Variants in HSD17B12 observed in about 807,000 individuals in gnomAD.
HSD17B12 encodes hydroxysteroid 17-beta dehydrogenase 12.
Under a neutral mutation model 39.3 loss-of-function variants are expected in HSD17B12, and 32 were observed. The ratio of observed to expected loss-of-function variants is 0.81; its 90% confidence interval spans 0.61 to 1.09. The LOEUF is 1.09. Ranked by LOEUF, HSD17B12 falls within the 50% of genes least tolerant of loss-of-function variation. The pLI is 0.00. For synonymous variants in HSD17B12, 150 were observed against 146.7 expected (o/e 1.02, Z -0.16); for missense variants, 342 against 382.9 (o/e 0.89, Z 0.89).
At chr11:43,848,868 C>T (rs945644579) in intron 9 of HSD17B12, among the ~76,000 whole-genome samples, 1 of 152,176 alleles carries the variant, frequency 6.6e-6, no homozygotes, top group Non-Finnish European at 1.5e-5. Flanking sequence ...CTTCTCATGA[C>T]CTCCACTACT....
chr11:43,804,579 T>A (rs555164948), intron 4 of HSD17B12, among the ~76,000 whole-genome samples: 40 of 152,314 alleles, frequency 2.6e-4, no homozygotes, highest in African/African-American at 9.6e-4. Context: ...GAATTATTTT[T>A]TAATTGGTGT....
chr11:43,587,727 G>T, the HSD17B12 span, among the ~76,000 whole-genome samples: 1 of 152,214 alleles, frequency 6.6e-6, no homozygotes, highest in African/African-American at 2.4e-5. Flanking sequence ...TTTAGGCTAA[G>T]TATTCTTGGT....
upstream of HSD17B12, among the ~76,000 whole-genome samples, chr11:43,677,712 G>T (rs544876843): frequency 6.6e-5 from 10 of 150,978 alleles, no homozygotes; most frequent in South Asian, 1.7e-3. Context: ...TTGTCCTTGC[G>T]ATAGTTTGCT....
the HSD17B12 span, among the ~76,000 whole-genome samples, chr11:43,588,052 A>G: frequency 6.6e-6 from 1 of 152,226 alleles, no homozygotes; most frequent in Non-Finnish European, 1.5e-5. Context: ...GTCTGTGTGC[A>G]AAGGTTTCAC....
At chr11:43,673,115 A>G in the HSD17B12 span, 1 of 152,356 alleles carries the variant, frequency 6.6e-6, no homozygotes, top group East Asian at 1.9e-4. Context: ...GGATTCAGCT[A>G]TGTCCCAAAG....
the HSD17B12 span, among the ~76,000 whole-genome samples, chr11:43,626,108 A>T: frequency 6.6e-6 from 1 of 151,560 alleles, no homozygotes; most frequent in Non-Finnish European, 1.5e-5. Flanking sequence ...TTTTATTTTT[A>T]ATTTTTTTTA....
chr11:43,700,822 T>C (rs1257813850), intron 1 of HSD17B12, among the ~76,000 whole-genome samples: 2 of 152,168 alleles, frequency 1.3e-5, no homozygotes, highest in Non-Finnish European at 2.9e-5. Context: ...CTTAGATATA[T>C]TGATTTCCTT....
chr11:43,662,706 A>G, the HSD17B12 span, among the ~76,000 whole-genome samples: 2 of 152,172 alleles, frequency 1.3e-5, no homozygotes, highest in Admixed American at 6.6e-5. Context: ...AAGGGTCAGA[A>G]TATGTCATTC....
chr11:43,585,469 C>A, the HSD17B12 span, among the ~76,000 whole-genome samples: 1 of 152,146 alleles, frequency 6.6e-6, no homozygotes, highest in Admixed American at 6.5e-5. Flanking sequence ...AGGCTTATGG[C>A]AGAATAGAAG....
intron 9 of HSD17B12, among the ~76,000 whole-genome samples, chr11:43,848,129 G>C (rs540296936): frequency 6.6e-6 from 1 of 152,206 alleles, no homozygotes; most frequent in East Asian, 1.9e-4. Context: ...TGTGTCTTTT[G>C]TGCATATGGA....
At chr11:43,840,132 T>G (rs1951411415) in intron 9 of HSD17B12, 68 bp downstream of exon 9, 1 of 1,277,148 alleles carries the variant, frequency 7.8e-7, no homozygotes, top group South Asian at 1.3e-5. Flanking sequence ...TGTTGCTGTC[T>G]TGGCAATAAC....
the HSD17B12 span, among the ~76,000 whole-genome samples, chr11:43,673,553 C>A: frequency 1.5e-5 from 2 of 130,784 alleles, no homozygotes; most frequent in Non-Finnish European, 3.1e-5. Context: ...AGTTCAATGG[C>A]GCAATCTCAG....
chr11:43,790,132 C>T (rs1482387678), intron 3 of HSD17B12, among the ~76,000 whole-genome samples: 1 of 152,096 alleles, frequency 6.6e-6, no homozygotes, highest in Admixed American at 6.5e-5. Context: ...GAAAAGTGAA[C>T]TAAAATGTAC....
At chr11:43,846,654 GA>G (rs994302479) in intron 9 of HSD17B12, among the ~76,000 whole-genome samples, 4 of 152,274 alleles carry the variant, frequency 2.6e-5, no homozygotes, top group African/African-American at 7.2e-5. Flanking sequence ...AACAGAACAA[GA>G]CTTTGTCTCA....
intron 3 of HSD17B12, among the ~76,000 whole-genome samples, chr11:43,795,985 C>T (rs1365855572): frequency 1.3e-5 from 2 of 151,954 alleles, no homozygotes; most frequent in Non-Finnish European, 2.9e-5. Flanking sequence ...GCTCAAGGAC[C>T]CACCAGAGAC....
At chr11:43,662,225 G>A in the HSD17B12 span, among the ~76,000 whole-genome samples, 1 of 146,432 alleles carries the variant, frequency 6.8e-6, no homozygotes, top group East Asian at 2.0e-4. Flanking sequence ...TTGAGACGGA[G>A]TTTCAATCTG....
chr11:43,808,161 C>G (rs1951036648), intron 4 of HSD17B12, among the ~76,000 whole-genome samples: 1 of 152,132 alleles, frequency 6.6e-6, no homozygotes, highest in South Asian at 2.1e-4. Flanking sequence ...GGTGAGAAAG[C>G]CATGTAGGAA....
chr11:43,743,112 G>A (rs542742344), intron 1 of HSD17B12, among the ~76,000 whole-genome samples: 2 of 152,274 alleles, frequency 1.3e-5, no homozygotes, highest in East Asian at 1.9e-4. Flanking sequence ...GTTGCTAGCA[G>A]GAGATAGGAA....
intron 9 of HSD17B12, chr11:43,854,293 A>T (rs1293897220): frequency 6.4e-6 from 1 of 155,710 alleles, no homozygotes; most frequent in Non-Finnish European, 1.4e-5. Flanking sequence ...AATTAGCCAT[A>T]AATTATGGAG....
Sources: allele counts gnomAD v4.1 joint callset (sites outside exome capture counted in the v4.1 genomes callset), GRCh38; gene constraint gnomAD v4.1.1; transcripts MANE v1.5; gene names NCBI Gene and HGNC (gene_info 2026-07-23, HGNC 2026-07-21).